The following CYTH1 variants were observed in gnomAD, a reference collection of about 807,000 sequenced individuals.
CYTH1 encodes the protein cytohesin 1.
Under a neutral mutation model 61.8 loss-of-function variants are expected in CYTH1, and 18 were observed. That is an observed-to-expected ratio of 0.29 (90% CI 0.20 to 0.43). CYTH1 has a LOEUF of 0.43. Ranked by LOEUF, CYTH1 falls within the 20% of genes least tolerant of loss-of-function variation. The probability of loss-of-function intolerance (pLI) is 1.00; values close to 1 mark genes in which losing one functional copy is unlikely to be tolerated. For synonymous variants in CYTH1, 174 were observed against 184.3 expected (o/e 0.94, Z 0.45); for missense variants, 336 against 510.5 (o/e 0.66, Z 3.29).
chr17:78,711,648 T>C (rs1438804528), intron 1 of CYTH1, among the ~76,000 whole-genome samples: 1 of 151,236 alleles, frequency 6.6e-6, no homozygotes, highest in East Asian at 1.9e-4. Context: ...GTAGAAACAA[T>C]AGACTACAGT....
intron 1 of CYTH1, among the ~76,000 whole-genome samples, chr17:78,732,838 C>T (rs932081086): frequency 6.6e-6 from 1 of 152,050 alleles, no homozygotes; most frequent in Non-Finnish European, 1.5e-5. Context: ...CCTGTAATCC[C>T]AGCACTGTGG....
intron 2 of CYTH1, chr17:78,709,084 G>A (rs1380876849): frequency 6.6e-6 from 1 of 152,334 alleles, no homozygotes; most frequent in African/African-American, 2.4e-5. Flanking sequence ...GTTACAAAAA[G>A]GAACTTGGAA....
chr17:78,697,242 C>T (rs184766672), intron 9 of CYTH1, among the ~76,000 whole-genome samples: 49 of 146,906 alleles, frequency 3.3e-4, no homozygotes, highest in South Asian at 1.1e-3. Context: ...TGGTATAGGA[C>T]GGAACAGCCC....
At chr17:78,728,501 C>T (rs1374785050) in intron 1 of CYTH1, among the ~76,000 whole-genome samples, 3 of 151,828 alleles carry the variant, frequency 2.0e-5, no homozygotes, top group African/African-American at 7.3e-5. Context: ...TGAGCCAAGA[C>T]CACGCCATTG....
intron 10 of CYTH1, among the ~76,000 whole-genome samples, chr17:78,694,672 C>T (rs2092921136): frequency 6.6e-6 from 1 of 152,112 alleles, no homozygotes; most frequent in Admixed American, 6.5e-5. Context: ...CGCTCCATCA[C>T]AGGACACTAC....
At chr17:78,778,133 T>C (rs1173619881) in intron 1 of CYTH1, among the ~76,000 whole-genome samples, 1 of 150,694 alleles carries the variant, frequency 6.6e-6, no homozygotes, top group Non-Finnish European at 1.5e-5. Context: ...GGAAACCCCA[T>C]CTTTACTAAA....
intron 1 of CYTH1, among the ~76,000 whole-genome samples, chr17:78,728,375 A>G (rs971549296): frequency 6.6e-6 from 1 of 152,066 alleles, no homozygotes; most frequent in African/African-American, 2.4e-5. Flanking sequence ...GTGAAACCCC[A>G]TCTCTACTAA....
At chr17:78,713,347 C>T (rs1345421506) in intron 1 of CYTH1, among the ~76,000 whole-genome samples, 2 of 152,036 alleles carry the variant, frequency 1.3e-5, no homozygotes, top group Non-Finnish European at 2.9e-5. Context: ...TCCAATATAA[C>T]ATGGTTTTGA....
intron 13 of CYTH1, 113 bp downstream of exon 13, chr17:78,680,077 A>G (rs1042481784): frequency 6.2e-5 from 88 of 1,408,040 alleles, no homozygotes; most frequent in Non-Finnish European, 7.9e-5. Flanking sequence ...CTTCCCTAAG[A>G]ACTTGGAGCA....
At chr17:78,702,281 G>A (rs751751036) in intron 4 of CYTH1, 41 bp from the exon 5 acceptor site, 3 of 1,515,902 alleles carry the variant, frequency 2.0e-6, no homozygotes, top group South Asian at 2.3e-5. Context: ...GCTTTGCTGG[G>A]AAACAGTTGA....
chr17:78,709,968 A>G (rs1177171608), intron 1 of CYTH1, among the ~76,000 whole-genome samples: 1 of 152,268 alleles, frequency 6.6e-6, no homozygotes, highest in Non-Finnish European at 1.5e-5. Context: ...ACGAGAGAGA[A>G]GAGATTACTG....
In CYTH1 at chr17:78,776,433, G is replaced by C. The variant is rs150660379; in HGVS notation, c.22+5769C>G. On this transcript the variant is annotated intron_variant, in intron 1 of 13. Transcript: ENST00000446868. The stretch of plus-strand genomic sequence containing the variant: ...GCACTTTGGGAGGCTGAGGCGGGCA[G>C]ATCATTTGAGGTCAGGAGTTCGAGA... 2.6e-5 allele frequency among the ~76,000 whole-genome samples: 4 copies of C among 151,728 alleles called. No individual in the cohort carries two copies. The East Asian group carries it at 7.9e-4, about 30-fold the overall frequency.
intron 1 of CYTH1, among the ~76,000 whole-genome samples, chr17:78,727,288 G>A (rs2093271759): frequency 6.6e-6 from 1 of 152,118 alleles, no homozygotes; most frequent in South Asian, 2.1e-4. Flanking sequence ...CTCCTTCTGT[G>A]TCCCATGAAA....
chr17:78,731,817 G>A (rs1366104004), intron 1 of CYTH1, among the ~76,000 whole-genome samples: 2 of 148,418 alleles, frequency 1.3e-5, no homozygotes, highest in African/African-American at 5.0e-5. Context: ...GCTGAAAACA[G>A]AAAGAAAGGC....
intron 9 of CYTH1, 98 bp downstream of exon 9, chr17:78,698,171 A>ACGCACACG (rs1260989339): frequency 5.0e-6 from 5 of 998,628 alleles, no homozygotes; most frequent in Non-Finnish European, 7.8e-6. Context: ...ACGCACAAAC[A>ACGCACACG]CGCACACGCG....
Position 78,730,885 on chromosome 17 carries a change from C to T in CYTH1, c.23-21153G>A, listed in dbSNP as rs1416289358. ...TTCACCGTGTTAGCCAGGAAGGTCTCGATCTCCTGACCTTGTGATCTGCCT... is the reference window on the plus strand; with the variant it reads ...TTCACCGTGTTAGCCAGGAAGGTCTTGATCTCCTGACCTTGTGATCTGCCT... On this transcript the variant is annotated intron_variant, in intron 1 of 13. Coordinates refer to ENST00000446868, the MANE Select transcript of CYTH1 (RefSeq NM_004762.6). Among the ~76,000 whole-genome samples the T allele has an allele frequency of 3.3e-5, 5 of 151,976 alleles. No homozygotes were observed. In the South Asian group the frequency reaches 8.3e-4, roughly 25 times the overall value.
rs574507208 is a variant in CYTH1 at position 78,778,757 on chromosome 17, T to C, written c.22+3445A>G. Reference sequence around the variant, plus strand: ...TGGTTTTAGACCAGCCTGCGCAACATAGTGAGACTCTGCAACTATTTAAAA... The same window carrying C: ...TGGTTTTAGACCAGCCTGCGCAACACAGTGAGACTCTGCAACTATTTAAAA... On this transcript the variant is annotated intron_variant, in intron 1 of 13. Coordinates refer to ENST00000446868, the MANE Select transcript of CYTH1 (RefSeq NM_004762.6). Among the ~76,000 whole-genome samples the C allele has an allele frequency of 2.0e-5, 3 of 150,918 alleles. No individual in the cohort carries two copies. The East Asian group carries it at 5.9e-4, about 30-fold the overall frequency.
At position 78,770,659 on chromosome 17, in the gene CYTH1, C is replaced by T. The variant is rs374814291; in HGVS notation, c.22+11543G>A. ...GTCTCGATCTCTTGACTTTGTGATC[C>T]GCCTGCCTCGGCCTGGGATTACAGG... is the stretch of plus-strand genomic sequence containing the variant. On this transcript the variant is annotated intron_variant, in intron 1 of 13. Coordinates refer to ENST00000446868, the MANE Select transcript of CYTH1 (RefSeq NM_004762.6). Among the ~76,000 whole-genome samples, 12 of 152,106 alleles carry T rather than the reference C, an allele frequency of 7.9e-5. 4 individuals carry two copies. The highest frequency in any genetic ancestry group is 6.5e-5 in the Admixed American group (1 of 15,280).
intron 1 of CYTH1, among the ~76,000 whole-genome samples, chr17:78,775,619 T>C (rs2093487965): frequency 6.6e-6 from 1 of 152,214 alleles, no homozygotes; most frequent in Non-Finnish European, 1.5e-5. Flanking sequence ...GGGAACTCAA[T>C]GTAAAAATTA....
Sources: gnomAD v4.1 joint callset for allele counts (sites outside exome capture counted in the v4.1 genomes callset) on GRCh38, gnomAD v4.1.1 for gene constraint, MANE v1.5 for transcripts, NCBI Gene and HGNC (gene_info 2026-07-23, HGNC 2026-07-21) for gene names.